PDE1C: variants seen among roughly 807,000 people sequenced by gnomAD.
The protein encoded by PDE1C is dual specificity calcium/calmodulin-dependent 3',5'-cyclic nucleotide phosphodiesterase 1C.
PDE1C carries 62 observed loss-of-function variants against 93.1 expected under a neutral mutation model. The observed-to-expected ratio is 0.67, with a 90% CI of 0.54 to 0.82. The LOEUF (loss-of-function observed/expected upper bound fraction) is 0.82, where lower values mean the gene tolerates loss of function less well. Among genes scored for constraint, PDE1C ranks in the 40% least tolerant of loss-of-function variants. The pLI is 0.00. For missense variants in PDE1C, 742 were observed against 884.6 expected (o/e 0.84, Z 2.04); for synonymous variants, 325 against 310.1 (o/e 1.05, Z -0.50).
At chr7:32,170,421 C>T (rs1475334514) in intron 2 of PDE1C, among the ~76,000 whole-genome samples, 2 of 152,062 alleles carry the variant, frequency 1.3e-5, no homozygotes, top group Admixed American at 6.6e-5. Flanking sequence ...TATCAAGACC[C>T]AGGAAAATTA....
intron 6 of PDE1C, 100 bp downstream of exon 6, chr7:31,873,192 T>C: frequency 1.4e-6 from 1 of 719,664 alleles, no homozygotes; most frequent in South Asian, 1.9e-5. Flanking sequence ...CCTGGAGCAG[T>C]TTTCATTCCG....
chr7:32,047,166 A>G (rs544263632), intron 2 of PDE1C, among the ~76,000 whole-genome samples: 4 of 152,090 alleles, frequency 2.6e-5, no homozygotes, highest in East Asian at 1.9e-4. Flanking sequence ...AGGGCAGCTC[A>G]TAAGTATTTG....
intron 1 of PDE1C, among the ~76,000 whole-genome samples, chr7:32,244,713 C>T (rs757322852): frequency 6.6e-6 from 1 of 152,236 alleles, no homozygotes; most frequent in Non-Finnish European, 1.5e-5. Flanking sequence ...AATAAAAGCT[C>T]GTGATGTTCC....
intron 9 of PDE1C, among the ~76,000 whole-genome samples, chr7:31,843,794 T>C (rs1051112385): frequency 2.0e-4 from 30 of 151,978 alleles, no homozygotes; most frequent in Admixed American, 7.9e-4. Context: ...TTTTTTGTAT[T>C]ATTTATTTTT....
At chr7:32,154,892 A>T (rs1801473533) in intron 3 of PDE1C, among the ~76,000 whole-genome samples, 1 of 152,242 alleles carries the variant, frequency 6.6e-6, no homozygotes, top group South Asian at 2.1e-4. Flanking sequence ...AGGGCTTCCT[A>T]GTTCTCCAGC....
chr7:31,852,991 T>TTTTTTTTTTTTTTTTTTTTTTTTTTTTTG (rs1793533543), intron 7 of PDE1C, among the ~76,000 whole-genome samples: 1 of 151,754 alleles, frequency 6.6e-6, no homozygotes, highest in Admixed American at 6.6e-5. Flanking sequence ...TTTCACTTTT[T>TTTTTTTTTTTTTTTTTTTTTTTTTTTTTG]AAAATAAGAT....
intron 1 of PDE1C, among the ~76,000 whole-genome samples, chr7:32,236,996 G>A (rs563499005): frequency 6.6e-6 from 1 of 151,546 alleles, no homozygotes; most frequent in South Asian, 2.1e-4. Context: ...TGCAACATCT[G>A]GAATGGATCT....
chr7:31,775,803 T>C (rs891913081), intron 16 of PDE1C, 71 bp from the exon 17 acceptor site: 2 of 1,279,322 alleles, frequency 1.6e-6, no homozygotes, highest in Non-Finnish European at 2.3e-6. Flanking sequence ...TAAATGTTCA[T>C]CTGAAATGTT....
chr7:31,966,989 T>G (rs553477355), intron 2 of PDE1C, among the ~76,000 whole-genome samples: 355 of 152,174 alleles, frequency 2.3e-3, no homozygotes, highest in Admixed American at 3.5e-3. Context: ...TAGCACTAAA[T>G]GCCCACAAGA....
chr7:31,638,438 C>T, the PDE1C span, among the ~76,000 whole-genome samples: 6 of 152,094 alleles, frequency 3.9e-5, no homozygotes, highest in Admixed American at 6.5e-5. Flanking sequence ...ACAAACTATC[C>T]GGTTTTATAA....
chr7:31,869,274 G>A (rs1307145473), intron 6 of PDE1C, among the ~76,000 whole-genome samples: 1 of 151,930 alleles, frequency 6.6e-6, no homozygotes, highest in Non-Finnish European at 1.5e-5. Context: ...CATATCAATA[G>A]CAACCTTGAA....
At chr7:31,883,591 T>G (rs1481346519) in intron 2 of PDE1C, among the ~76,000 whole-genome samples, 1 of 152,240 alleles carries the variant, frequency 6.6e-6, no homozygotes, top group Non-Finnish European at 1.5e-5. Context: ...ATTAAGGACA[T>G]TATATGGACT....
intron 2 of PDE1C, among the ~76,000 whole-genome samples, chr7:31,950,300 GAA>G (rs1807191976): frequency 6.6e-6 from 1 of 152,164 alleles, no homozygotes; most frequent in Non-Finnish European, 1.5e-5. Context: ...ATGAAAAGCA[GAA>G]GTCTTAGGAA....
chr7:31,768,314 C>T (rs112819747), intron 17 of PDE1C, among the ~76,000 whole-genome samples: 123 of 152,256 alleles, frequency 8.1e-4, no homozygotes, highest in African/African-American at 2.9e-3. Context: ...CCACTGTTTA[C>T]AGCACTCTCC....
At chr7:31,736,808 G>C in the PDE1C span, among the ~76,000 whole-genome samples, 3 of 152,274 alleles carry the variant, frequency 2.0e-5, no homozygotes, top group Admixed American at 1.3e-4. Context: ...TCCCTTGTGT[G>C]GGGGGAGGCT....
rs368649788 is a variant in PDE1C at position 31,781,792 on chromosome 7, A to G, written c.1892-6060T>C. Among the ~76,000 whole-genome samples, 70 of 151,334 alleles carry G rather than the reference A, an allele frequency of 4.6e-4. 1 individual carries two copies. In the East Asian group the frequency reaches 0.012, roughly 25 times the overall value. Reference sequence around the variant, plus strand: ...TTAATGCTTTTTTCCTGCACAATACAACCACCATCAATACTAGGTTTAGTT... The same window carrying G: ...TTAATGCTTTTTTCCTGCACAATACGACCACCATCAATACTAGGTTTAGTT... On this transcript the variant is annotated intron_variant, in intron 16 of 17. Coordinates refer to ENST00000396191, the MANE Select transcript of PDE1C (RefSeq NM_001191057.4).
intron 1 of PDE1C, among the ~76,000 whole-genome samples, chr7:32,328,918 T>C (rs1783458556): frequency 6.6e-6 from 1 of 152,232 alleles, no homozygotes. Context: ...AATAAATTTT[T>C]GTCAAATGAT....
At chr7:31,815,337 T>C (rs2128722019) in intron 15 of PDE1C, among the ~76,000 whole-genome samples, 1 of 152,234 alleles carries the variant, frequency 6.6e-6, no homozygotes, top group East Asian at 1.9e-4. Context: ...TAATCGATAT[T>C]TGTTGCATTA....
chr7:32,364,813 C>T (rs1366530794), intron 1 of PDE1C, among the ~76,000 whole-genome samples: 1 of 152,208 alleles, frequency 6.6e-6, no homozygotes, highest in Non-Finnish European at 1.5e-5. Context: ...TTATACCAAT[C>T]CCACACTGGT....
Sources: allele counts gnomAD v4.1 joint callset (sites outside exome capture counted in the v4.1 genomes callset), GRCh38; gene constraint gnomAD v4.1.1; transcripts MANE v1.5; gene names NCBI Gene and HGNC (gene_info 2026-07-23, HGNC 2026-07-21).